Variants in CLSTN2 observed in about 807,000 individuals in gnomAD.
CLSTN2 encodes the protein calsyntenin 2, also known as calsyntenin-2.
Under a neutral mutation model 101.2 loss-of-function variants are expected in CLSTN2, and 48 were observed. That is an observed-to-expected ratio of 0.47 (90% CI 0.38 to 0.60). The LOEUF (loss-of-function observed/expected upper bound fraction) is 0.60, where lower values mean the gene tolerates loss of function less well. CLSTN2 is among the 20% of genes least tolerant of loss of function. CLSTN2 has a pLI of 0.00. For missense variants in CLSTN2, 1,160 were observed against 1,238.2 expected (o/e 0.94, Z 0.95); for synonymous variants, 481 against 463.6 (o/e 1.04, Z -0.48).
chr3:139,994,754 C>A (rs1936173057), intron 1 of CLSTN2, among the ~76,000 whole-genome samples: 2 of 152,142 alleles, frequency 1.3e-5, no homozygotes, highest in South Asian at 4.1e-4. Flanking sequence ...ATTGGAGGAA[C>A]TGAGTAGGAA....
rs1935946557 is a variant in CLSTN2 at position 140,562,830 on chromosome 3, C to T, written c.2232C>T (p.Arg744=). 2 of 1,614,028 alleles carry T rather than the reference C, an allele frequency of 1.2e-6. No homozygotes were observed. Among genetic ancestry groups the T allele is most frequent in the Non-Finnish European group, 1.7e-6 (2 of 1,180,016 alleles). ...GCACAGGTGTGGGCTCCATGAGCCGCTATGAGCAGGTGCTACATCACATCC... is the reference window on the plus strand; with the variant it reads ...GCACAGGTGTGGGCTCCATGAGCCGTTATGAGCAGGTGCTACATCACATCC... The part of the protein sequence containing the change: ...YSIYGVGSMS[R]YEQVLHHIRY... Residue 744 remains arginine, a synonymous_variant, in exon 14 of 17, where the codon CGC becomes CGT. Coordinates refer to ENST00000458420, the MANE Select transcript of CLSTN2 (RefSeq NM_022131.3).
At chr3:140,144,967 C>A (rs1258481525) in intron 1 of CLSTN2, among the ~76,000 whole-genome samples, 1 of 152,202 alleles carries the variant, frequency 6.6e-6, no homozygotes, top group East Asian at 1.9e-4. Context: ...CCTCTGATTT[C>A]CCCCAGAGGA....
chr3:140,190,631 A>G (rs1447606689), intron 2 of CLSTN2, among the ~76,000 whole-genome samples: 1 of 152,034 alleles, frequency 6.6e-6, no homozygotes, highest in Non-Finnish European at 1.5e-5. Context: ...ATATTCCTGC[A>G]CATGTTTTCT....
At chr3:140,552,219 G>T (rs1051575551) in intron 10 of CLSTN2, among the ~76,000 whole-genome samples, 1 of 152,090 alleles carries the variant, frequency 6.6e-6, no homozygotes, top group Non-Finnish European at 1.5e-5. Flanking sequence ...TATCTGTCTA[G>T]CACCTTCTTG....
intron 2 of CLSTN2, among the ~76,000 whole-genome samples, chr3:140,184,610 G>T (rs774482380): frequency 6.6e-5 from 10 of 152,134 alleles, no homozygotes; most frequent in Non-Finnish European, 1.2e-4. Flanking sequence ...TGTCCCACTG[G>T]CTAAAGCAAG....
chr3:140,331,524 A>G (rs983260577), intron 2 of CLSTN2, among the ~76,000 whole-genome samples: 1 of 151,864 alleles, frequency 6.6e-6, no homozygotes, highest in Non-Finnish European at 1.5e-5. Flanking sequence ...AAAACAAAAG[A>G]CTCCTTTTCC....
intron 10 of CLSTN2, among the ~76,000 whole-genome samples, chr3:140,554,348 T>C (rs1935759665): frequency 6.6e-6 from 1 of 152,174 alleles, no homozygotes; most frequent in South Asian, 2.1e-4. Flanking sequence ...AACACCCTTA[T>C]AAAGACATTC....
chr3:140,287,660 G>A lies in CLSTN2; in HGVS notation c.232+111587G>A, dbSNP rs144600560. On this transcript the variant is annotated intron_variant, in intron 2 of 16. Transcript: ENST00000458420. ...TTTCCTAAGGAAAATGGAATACTTG[G>A]TATATGTAAATTCACATAATTCTCT... Among the ~76,000 whole-genome samples, 652 of 152,200 alleles carry A rather than the reference G, an allele frequency of 4.3e-3. 7 individuals are homozygous for A. The highest frequency in any genetic ancestry group is 0.015 in the African/African-American group (614 of 41,536).
At chr3:140,302,045 A>G (rs1434514096) in intron 2 of CLSTN2, among the ~76,000 whole-genome samples, 1 of 152,088 alleles carries the variant, frequency 6.6e-6, no homozygotes, top group Admixed American at 6.6e-5. Flanking sequence ...GTTTTTTGTT[A>G]CTAATGTGGC....
chr3:140,271,958 G>A (rs1316472204), intron 2 of CLSTN2, among the ~76,000 whole-genome samples: 1 of 152,202 alleles, frequency 6.6e-6, no homozygotes, highest in Non-Finnish European at 1.5e-5. Context: ...ACCCAATTCT[G>A]AATTCTTTAA....
At position 140,532,434 on chromosome 3, in the gene CLSTN2, C is replaced by T; in HGVS notation, c.1455C>T (p.Pro485=). The T allele has an allele frequency of 6.2e-7, 1 of 1,613,972 alleles. No individual in the cohort carries two copies. Among genetic ancestry groups the T allele is most frequent in the African/African-American group, 1.3e-5 (1 of 75,022 alleles). Reference sequence around the variant, plus strand: ...CATACCTGGTGACCAACGACTGGCCCATTCATCCATCTCACATAGCCATGC... The same window carrying T: ...CATACCTGGTGACCAACGACTGGCCTATTCATCCATCTCACATAGCCATGC... ...YEPYLVTNDW[P]IHPSHIAMQL... Residue 485 remains proline, a synonymous_variant, in exon 9 of 17, where the codon CCC becomes CCT. Coordinates refer to ENST00000458420, the MANE Select transcript of CLSTN2 (RefSeq NM_022131.3).
At chr3:140,561,838 G>A (rs1935921730) in intron 12 of CLSTN2, among the ~76,000 whole-genome samples, 1 of 152,096 alleles carries the variant, frequency 6.6e-6, no homozygotes. Context: ...GAAACTGAGT[G>A]GTAGGTAGTT....
At chr3:140,242,577 T>G (rs1434948997) in intron 2 of CLSTN2, among the ~76,000 whole-genome samples, 1 of 152,148 alleles carries the variant, frequency 6.6e-6, no homozygotes, top group Non-Finnish European at 1.5e-5. Context: ...GTACCCCTAC[T>G]TTTTCCACTT....
Position 140,416,875 on chromosome 3 carries a change from A to G in CLSTN2, c.638-4250A>G, listed in dbSNP as rs567903688. Among the ~76,000 whole-genome samples, 7 of 152,316 alleles carry G rather than the reference A, an allele frequency of 4.6e-5. No individual in the cohort carries two copies. The East Asian group carries it at 1.3e-3, about 29-fold the overall frequency. On this transcript the variant is annotated intron_variant, in intron 4 of 16. Transcript: ENST00000458420. Reference sequence around the variant, plus strand: ...CAGCCTCAGCTGGGCTCTCTCTTTGACAGAAGGCTGCCCTAGTGAATAACA... The same window carrying G: ...CAGCCTCAGCTGGGCTCTCTCTTTGGCAGAAGGCTGCCCTAGTGAATAACA...
chr3:140,494,678 T>A (rs1306006482), intron 8 of CLSTN2, among the ~76,000 whole-genome samples: 1 of 152,190 alleles, frequency 6.6e-6, no homozygotes, highest in Admixed American at 6.5e-5. Context: ...TGTGTTCTCG[T>A]CATTCAGCTC....
chr3:140,380,891 G>A (rs2087974880), intron 2 of CLSTN2, among the ~76,000 whole-genome samples: 1 of 152,214 alleles, frequency 6.6e-6, no homozygotes, highest in Admixed American at 6.5e-5. Flanking sequence ...TTGAAGAAGT[G>A]TAGTTGTGGG....
chr3:140,476,228 T>C (rs561743541), intron 8 of CLSTN2, among the ~76,000 whole-genome samples: 13 of 152,262 alleles, frequency 8.5e-5, no homozygotes, highest in Non-Finnish European at 1.8e-4. Flanking sequence ...AATTCGTTGC[T>C]AATCCTGCTT....
At chr3:140,458,505 G>A (rs1364063479) in intron 6 of CLSTN2, among the ~76,000 whole-genome samples, 1 of 152,136 alleles carries the variant, frequency 6.6e-6, no homozygotes, top group Non-Finnish European at 1.5e-5. Context: ...TCTGTGGAGA[G>A]TCAGCGGAGG....
At chr3:139,944,578 G>T (rs1935186751) in intron 1 of CLSTN2, among the ~76,000 whole-genome samples, 1 of 152,230 alleles carries the variant, frequency 6.6e-6, no homozygotes, top group Non-Finnish European at 1.5e-5. Flanking sequence ...CTGTCTCCCA[G>T]GGTGGCTGTG....
Sources: gnomAD v4.1 joint callset for allele counts (sites outside exome capture counted in the v4.1 genomes callset) on GRCh38, gnomAD v4.1.1 for gene constraint, MANE v1.5 for transcripts, NCBI Gene and HGNC (gene_info 2026-07-23, HGNC 2026-07-21) for gene names.